Variants in COL6A1 observed in about 807,000 individuals in gnomAD.
COL6A1 encodes the protein collagen alpha-1(VI) chain.
A neutral mutation model predicts 145.6 loss-of-function variants in COL6A1; 80 were observed. That is an observed-to-expected ratio of 0.55 (90% CI 0.46 to 0.66). The LOEUF is 0.66. COL6A1 is among the 30% of genes least tolerant of loss of function. COL6A1 has a pLI of 0.00. For synonymous variants in COL6A1, 638 were observed against 622.8 expected (o/e 1.02, Z -0.36); for missense variants, 1,364 against 1,473.8 (o/e 0.93, Z 1.22).
In COL6A1 at chr21:45,986,578, C is replaced by A; in HGVS notation, c.481C>A (p.Pro161Thr). The A allele has an allele frequency of 1.3e-6, 2 of 1,564,496 alleles. No individual in the cohort carries two copies. The highest frequency in any genetic ancestry group is 1.7e-6 in the Non-Finnish European group (2 of 1,154,672). Residue 161 changes from proline to threonine, a missense_variant, in exon 4 of 35, where the codon CCC becomes ACC. By Grantham distance (38) the Pro-to-Thr change is conservative. This residue lies in a region of COL6A1 where 414 missense variants were observed against 437.6 expected (regional missense o/e 0.95). Coordinates refer to ENST00000361866, the MANE Select transcript of COL6A1 (RefSeq NM_001848.3). ...KYLIVVTDGH[P>T]LEGYKEPCGG... ...CCTGATTGTGGTGACCGACGGGCAC[C>A]CCCTGGAGGGCTACAAGGAACCCTG...
intron 27 of COL6A1, 65 bp downstream of exon 27, chr21:45,999,757 G>T (rs1165729341): frequency 6.7e-7 from 1 of 1,500,804 alleles, no homozygotes; most frequent in South Asian, 1.2e-5. Context: ...TGGGGTGTGG[G>T]TCCTGTCCAT....
intron 2 of COL6A1, 148 bp downstream of exon 2, chr21:45,982,911 C>T (rs1330717461): frequency 2.7e-6 from 3 of 1,131,130 alleles, no homozygotes; most frequent in Non-Finnish European, 2.6e-6. Context: ...CGGCGCCCTC[C>T]AGAGTGAGGC....
chr21:45,982,024 C>T (rs2077710054), intron 1 of COL6A1, 77 bp downstream of exon 1: 6 of 1,202,708 alleles, frequency 5.0e-6, no homozygotes, highest in African/African-American at 1.5e-5. Context: ...GCGGGGTCCC[C>T]TCCCACGCGT....
At position 46,004,819 on chromosome 21, in the gene COL6A1, C is replaced by A; in HGVS notation, c.*806C>A. 1 of 333,266 alleles carries A rather than the reference C, an allele frequency of 3.0e-6. No individual in the cohort carries two copies. The allele number at this position is 333,266 out of a possible 1,614,324, so 20.6% of individuals were successfully genotyped here. A position where few individuals can be genotyped will look rare whatever the true frequency, so the allele number is the denominator to read the frequency against. ...TTAACGGTGCTAACCCCGTCTGCTC[C>A]TCCCTCCCGCAGAGACTGGGGCCTG... On this transcript the variant is annotated 3_prime_UTR_variant, in exon 35 of 35. Transcript: ENST00000361866.
intron 15 of COL6A1, 105 bp from the exon 16 acceptor site, chr21:45,991,905 G>A: frequency 9.0e-7 from 1 of 1,113,596 alleles, no homozygotes; most frequent in Non-Finnish European, 1.3e-6. Context: ...TTGGTCAGAG[G>A]GAGTGGCCTG....
chr21:46,004,761 CA>C lies in COL6A1; in HGVS notation c.*749del, dbSNP rs1378860461. Reference sequence around the variant, plus strand: ...TGACCCCGACCTCAGAGAGTACTCGCAGGGGCGCTGGCTGCACTCAAGACCC... The same window carrying C: ...TGACCCCGACCTCAGAGAGTACTCGCGGGGCGCTGGCTGCACTCAAGACCC... On this transcript the variant is annotated 3_prime_UTR_variant, in exon 35 of 35. Transcript: ENST00000361866. The C allele has an allele frequency of 4.6e-6, 2 of 434,522 alleles. No homozygotes were observed. Among genetic ancestry groups the C allele is most frequent in the African/African-American group, 4.0e-5 (2 of 49,410 alleles). The allele number at this position is 434,522 out of a possible 1,614,324, so 26.9% of individuals were successfully genotyped here. A position where few individuals can be genotyped will look rare whatever the true frequency, so the allele number is the denominator to read the frequency against.
rs754455909 is a variant in COL6A1, at chr21:46,001,220, G to A, written c.1823-33G>A. The A allele has an allele frequency of 1.2e-5, 19 of 1,594,618 alleles. No homozygotes were observed. The Admixed American group carries it at 3.2e-4, about 27-fold the overall frequency. On this transcript the variant is annotated intron_variant, in intron 29 of 34. Transcript: ENST00000361866. ...AGGGGCCAGGGCACTGGAGGGGAGG[G>A]GCGTGCTCTGCTGACACCGCCCCCG...
Position 46,001,186 on chromosome 21 carries a change from G to C in COL6A1, c.1823-67G>C, listed in dbSNP as rs558827467. The C allele has an allele frequency of 3.2e-6, 5 of 1,576,216 alleles. No homozygotes were observed. In the Admixed American group the frequency reaches 8.4e-5, roughly 26 times the overall value. ...TGGCAGCCAAGGAGGGGCCAGGGCG[G>C]TGGAGGGGAGGGGCCAGGGCACTGG... On this transcript the variant is annotated intron_variant, in intron 29 of 34. Transcript: ENST00000361866.
chr21:45,996,458 G>A (rs372589207), intron 20 of COL6A1, among the ~76,000 whole-genome samples: 14 of 152,274 alleles, frequency 9.2e-5, no homozygotes, highest in African/African-American at 3.4e-4. Context: ...GCCTGGTGGA[G>A]GCCACGGGGT....
intron 3 of COL6A1, among the ~76,000 whole-genome samples, chr21:45,986,109 C>T (rs965070563): frequency 6.6e-6 from 1 of 152,210 alleles, no homozygotes; most frequent in Non-Finnish European, 1.5e-5. Context: ...CTGTTGTTTG[C>T]TCATCACACC....
chr21:45,986,745 C>T, intron 4 of COL6A1, 60 bp downstream of exon 4: 1 of 1,531,782 alleles, frequency 6.5e-7, no homozygotes, highest in East Asian at 2.4e-5. Flanking sequence ...GCTGCAAGGC[C>T]CCCGGCAGCT....
chr21:46,002,191 C>A lies in COL6A1; in HGVS notation c.2067-27C>A, dbSNP rs755367682. ...GCCCCGCGGCAGGCCTGGCCCCAAC[C>A]GGCCCTTCCTGCCCTTTGCTATGCA... On this transcript the variant is annotated intron_variant, in intron 31 of 34. Coordinates refer to ENST00000361866, the MANE Select transcript of COL6A1 (RefSeq NM_001848.3). The A allele has an allele frequency of 7.6e-6, 12 of 1,583,054 alleles. No homozygotes were observed. The South Asian group carries it at 1.1e-4, about 15-fold the overall frequency.
chr21:46,001,515 A>C (rs2123489233), intron 30 of COL6A1, 129 bp downstream of exon 30: 1 of 1,308,704 alleles, frequency 7.6e-7, no homozygotes, highest in Non-Finnish European at 1.1e-6. Flanking sequence ...TACTCATGAC[A>C]AGGATGCCAG....
chr21:45,995,723 G>A (rs1479976140), intron 20 of COL6A1, among the ~76,000 whole-genome samples: 3 of 152,186 alleles, frequency 2.0e-5, no homozygotes, highest in African/African-American at 7.2e-5. Context: ...GGGGGTCTGG[G>A]AATAGTCTCT....
At position 45,999,178 on chromosome 21, in the gene COL6A1, T is replaced by C; in HGVS notation, c.1700T>C (p.Val567Ala). The change falls in exon 26 of 35, where the codon GTC (valine) becomes GCC (alanine). Residue 567 changes from valine (V) to alanine (A), a missense_variant. Val to Ala is a moderately conservative substitution (Grantham distance 64). Coordinates refer to ENST00000361866, the MANE Select transcript of COL6A1 (RefSeq NM_001848.3). ...DDNNDIAPRG[V>A]KGAKGYRGPE... ...AACAACGACATTGCACCCCGAGGAGTCAAAGGAGCAAAGGGGTACCGGGGT... is the reference window on the plus strand; with the variant it reads ...AACAACGACATTGCACCCCGAGGAGCCAAAGGAGCAAAGGGGTACCGGGGT... 1 of 1,602,772 alleles carries C rather than the reference T, an allele frequency of 6.2e-7. No homozygotes were observed. The highest frequency in any genetic ancestry group is 8.5e-7 in the Non-Finnish European group (1 of 1,175,692).
In COL6A1 at chr21:45,994,269, G is replaced by C; in HGVS notation, c.1398+40G>C. 1 of 1,579,850 alleles carries C rather than the reference G, an allele frequency of 6.3e-7. No individual in the cohort carries two copies. Among genetic ancestry groups the C allele is most frequent in the Non-Finnish European group, 8.6e-7 (1 of 1,159,626 alleles). On this transcript the variant is annotated intron_variant, in intron 20 of 34. Transcript: ENST00000361866. This position sits in a 1 kb window ranked among gnomAD's most constrained non-coding sequence, Gnocchi z 6.8. ...GGGGTTGGGGGGCGTTGGCCAATTT[G>C]GGTTTTGGGGGTAGAAGTGCTCCAG...
At position 45,990,965 on chromosome 21, in the gene COL6A1, C is replaced by T. The variant is rs572427436; in HGVS notation, c.1057-14C>T. On this transcript the variant is annotated splice_polypyrimidine_tract_variant and intron_variant, in intron 14 of 34. Coordinates refer to ENST00000361866, the MANE Select transcript of COL6A1 (RefSeq NM_001848.3). Reference sequence around the variant, plus strand: ...GCCTCTGCCGGTGGTGTCATGCTGCCCTCTTTTCTCCAGGGCATTCAAGGA... The same window carrying T: ...GCCTCTGCCGGTGGTGTCATGCTGCTCTCTTTTCTCCAGGGCATTCAAGGA... 19 of 1,613,406 alleles carry T rather than the reference C, an allele frequency of 1.2e-5. No individual in the cohort carries two copies. Among genetic ancestry groups the T allele is most frequent in the Admixed American group, 6.7e-5 (4 of 60,024 alleles).
At chr21:46,001,693 T>C (rs929440646) in intron 30 of COL6A1, among the ~76,000 whole-genome samples, 1 of 152,132 alleles carries the variant, frequency 6.6e-6, no homozygotes, top group Non-Finnish European at 1.5e-5. Flanking sequence ...CAGGAGGGCT[T>C]CATCCACCAA....
chr21:45,981,938 G>T lies in COL6A1; in HGVS notation c.88G>T (p.Ala30Ser). ...QDEPETPRAV[A>S]FQDCPVDLFF... ...TGAGCCGGAGACCCCGAGGGCCGTG[G>T]CCTTCCAGGGTGAGTGGTGGCTTGG... The change falls in exon 1 of 35, where the codon GCC becomes TCC. Residue 30 changes from alanine (A) to serine (S), a missense_variant. By Grantham distance (99) the Ala-to-Ser change is moderately conservative. Coordinates refer to ENST00000361866, the MANE Select transcript of COL6A1 (RefSeq NM_001848.3). 1 of 1,606,546 alleles carries T rather than the reference G, an allele frequency of 6.2e-7. No homozygotes were observed. Among genetic ancestry groups the T allele is most frequent in the Non-Finnish European group, 8.5e-7 (1 of 1,177,646 alleles).
Sources: allele counts gnomAD v4.1 joint callset (sites outside exome capture counted in the v4.1 genomes callset), GRCh38; gene constraint gnomAD v4.1.1; regional missense constraint gnomAD v4.1.1; non-coding constraint Gnocchi (gnomAD v3.1); transcripts MANE v1.5; gene names NCBI Gene and HGNC (gene_info 2026-07-23, HGNC 2026-07-21).